LINGO2: variants seen among roughly 807,000 people sequenced by gnomAD.
The protein encoded by LINGO2 is leucine rich repeat and Ig domain containing 2, also known as leucine-rich repeat and immunoglobulin-like domain-containing nogo receptor-interacting protein 2.
A neutral mutation model predicts 30.6 loss-of-function variants in LINGO2; 14 were observed. That is an observed-to-expected ratio of 0.46 (90% CI 0.30 to 0.72). The LOEUF (loss-of-function observed/expected upper bound fraction) is 0.72. Ranked by LOEUF, LINGO2 falls within the 30% of genes least tolerant of loss-of-function variation. The pLI, the probability that LINGO2 is intolerant of heterozygous loss-of-function variation, is 0.07. For missense variants in LINGO2, 729 were observed against 751.7 expected (o/e 0.97, Z 0.35); for synonymous variants, 317 against 288.5 (o/e 1.10, Z -1.00).
intron 4 of LINGO2, among the ~76,000 whole-genome samples, chr9:28,272,592 T>C (rs1320177856): frequency 6.6e-6 from 1 of 152,118 alleles, no homozygotes; most frequent in Non-Finnish European, 1.5e-5. Context: ...TTTGAATAGA[T>C]TGTGTTAAAC....
the LINGO2 span, among the ~76,000 whole-genome samples, chr9:29,181,981 T>A: frequency 6.6e-6 from 1 of 152,184 alleles, no homozygotes; most frequent in Non-Finnish European, 1.5e-5. Flanking sequence ...TCTCTGTGAA[T>A]AACACCCCCT....
chr9:29,136,276 C>T, the LINGO2 span, among the ~76,000 whole-genome samples: 2 of 152,016 alleles, frequency 1.3e-5, no homozygotes, highest in African/African-American at 2.4e-5. Context: ...CTTATTTGCC[C>T]GAATTTCCCT....
chr9:28,883,628 G>A, the LINGO2 span, among the ~76,000 whole-genome samples: 50 of 64,146 alleles, frequency 7.8e-4, no homozygotes, highest in African/African-American at 2.6e-3. Flanking sequence ...ATGTGTGTGT[G>A]TATATATATA....
At chr9:28,033,377 G>T (rs1324029698) in intron 4 of LINGO2, among the ~76,000 whole-genome samples, 1 of 152,086 alleles carries the variant, frequency 6.6e-6, no homozygotes, top group Non-Finnish European at 1.5e-5. Flanking sequence ...CTAGGGAGGG[G>T]GATCTCTTAT....
At chr9:28,150,331 G>T (rs1350089058) in intron 4 of LINGO2, among the ~76,000 whole-genome samples, 2 of 152,182 alleles carry the variant, frequency 1.3e-5, no homozygotes, top group African/African-American at 2.4e-5. Flanking sequence ...CCCTCCCCAA[G>T]TTTGCATTTT....
At chr9:28,038,586 G>A (rs1266246127) in intron 4 of LINGO2, among the ~76,000 whole-genome samples, 1 of 151,994 alleles carries the variant, frequency 6.6e-6, no homozygotes, top group Admixed American at 6.6e-5. Context: ...CCAGCTACTT[G>A]GGAGGCTGAG....
the LINGO2 span, among the ~76,000 whole-genome samples, chr9:29,006,820 T>C: frequency 1.3e-5 from 2 of 152,020 alleles, no homozygotes; most frequent in African/African-American, 4.8e-5. Context: ...ACGAAAAATC[T>C]CAGCTGTAAA....
the LINGO2 span, among the ~76,000 whole-genome samples, chr9:28,963,618 T>A: frequency 2.0e-5 from 3 of 150,124 alleles, no homozygotes; most frequent in Non-Finnish European, 4.4e-5. Context: ...TGAAATCCTG[T>A]CATTTGCAGC....
intron 2 of LINGO2, among the ~76,000 whole-genome samples, chr9:28,446,685 T>C (rs572767788): frequency 1.3e-5 from 2 of 152,362 alleles, no homozygotes; most frequent in South Asian, 2.1e-4. Flanking sequence ...CTGGTTTTCC[T>C]TCACCTACTT....
chr9:28,462,317 A>T (rs1224295811), intron 2 of LINGO2, among the ~76,000 whole-genome samples: 1 of 151,060 alleles, frequency 6.6e-6, no homozygotes, highest in Non-Finnish European at 1.5e-5. Context: ...ATTTTTAACA[A>T]TTTTTTTACA....
chr9:28,469,163 A>T (rs1352639455), intron 2 of LINGO2, among the ~76,000 whole-genome samples: 2 of 152,124 alleles, frequency 1.3e-5, no homozygotes, highest in Non-Finnish European at 2.9e-5. Context: ...CAATATCTGA[A>T]TTGAAAATTC....
intron 3 of LINGO2, among the ~76,000 whole-genome samples, chr9:28,328,399 T>C (rs1825304380): frequency 6.6e-6 from 1 of 152,154 alleles, no homozygotes; most frequent in South Asian, 2.1e-4. Context: ...ACTAAATGAA[T>C]AGCAGAAGAA....
intron 4 of LINGO2, among the ~76,000 whole-genome samples, chr9:28,103,986 A>G (rs748208763): frequency 7.2e-5 from 11 of 152,114 alleles, no homozygotes; most frequent in Non-Finnish European, 7.4e-5. Context: ...ATTTTTATTA[A>G]AGGGTGCTTT....
chr9:28,333,050 G>A (rs1347127140), intron 3 of LINGO2, among the ~76,000 whole-genome samples: 1 of 152,148 alleles, frequency 6.6e-6, no homozygotes, highest in Non-Finnish European at 1.5e-5. Flanking sequence ...CAGTTTTACG[G>A]ATCAAAATCC....
chr9:28,503,484 A>G (rs1044449214), intron 1 of LINGO2, among the ~76,000 whole-genome samples: 31 of 152,194 alleles, frequency 2.0e-4, no homozygotes, highest in African/African-American at 7.2e-4. Flanking sequence ...TTGGAAAGCA[A>G]TGCATGTCTA....
chr9:29,038,959 C>T, the LINGO2 span, among the ~76,000 whole-genome samples: 1 of 152,090 alleles, frequency 6.6e-6, no homozygotes, highest in Non-Finnish European at 1.5e-5. Flanking sequence ...GCTCATTAGG[C>T]TTTAACTGGG....
At position 27,984,934 on chromosome 9, in the gene LINGO2, C is replaced by T. The variant is rs78394801; in HGVS notation, c.-36+27421G>A. ...TATTTTAGGCAGGAAAAGGAAATAG[C>T]GTATTTAATTATAAAGTAAATGCTG... On this transcript the variant is annotated intron_variant, in intron 5 of 5. Transcript: ENST00000379992. Among the ~76,000 whole-genome samples, 1,305 of 151,848 alleles carry T rather than the reference C, an allele frequency of 8.6e-3. 102 individuals are homozygous for T. The East Asian group carries it at 0.17, about 20-fold the overall frequency.
At chr9:28,522,893 A>T (rs1820878046) in intron 1 of LINGO2, among the ~76,000 whole-genome samples, 1 of 152,050 alleles carries the variant, frequency 6.6e-6, no homozygotes, top group Non-Finnish European at 1.5e-5. Flanking sequence ...CAGAAAAAAA[A>T]AATATGGGAA....
At chr9:28,782,032 G>A in the LINGO2 span, among the ~76,000 whole-genome samples, 1 of 152,042 alleles carries the variant, frequency 6.6e-6, no homozygotes, top group Non-Finnish European at 1.5e-5. Context: ...TTGGAATGAG[G>A]AATAATTGAT....
Sources: allele counts gnomAD v4.1 joint callset (sites outside exome capture counted in the v4.1 genomes callset), GRCh38; gene constraint gnomAD v4.1.1; transcripts MANE v1.5; gene names NCBI Gene and HGNC (gene_info 2026-07-23, HGNC 2026-07-21).